ZNF37A: variants seen among roughly 807,000 people sequenced by gnomAD.
The protein encoded by ZNF37A is zinc finger protein 37A.
ZNF37A carries 10 observed loss-of-function variants against 12.3 expected under a neutral mutation model. That is an observed-to-expected ratio of 0.82 (90% CI 0.50 to 1.38). The LOEUF is 1.38. ZNF37A is among the 40% of genes most tolerant of loss of function. ZNF37A has a pLI of 0.00. For synonymous variants in ZNF37A, 207 were observed against 223.0 expected (o/e 0.93, Z 0.64); for missense variants, 580 against 651.2 (o/e 0.89, Z 1.19).
At chr10:38,145,495 G>A (rs1277680975) in intron 7 of ZNF37A, among the ~76,000 whole-genome samples, 2 of 151,966 alleles carry the variant, frequency 1.3e-5, no homozygotes, top group African/African-American at 4.8e-5. Context: ...TCTAACAATG[G>A]ACCTGTTATT....
chr10:38,113,140 G>A (rs189834299), intron 5 of ZNF37A, among the ~76,000 whole-genome samples: 1 of 140,888 alleles, frequency 7.1e-6, no homozygotes, highest in Non-Finnish European at 1.6e-5. Context: ...GAGAGTATTT[G>A]TTTTGTTTTC....
intron 7 of ZNF37A, chr10:38,142,139 G>A (rs148541538): frequency 6.6e-6 from 1 of 152,176 alleles, no homozygotes. Flanking sequence ...CAGGGAAGCA[G>A]GGCTCTCTTT....
intron 5 of ZNF37A, among the ~76,000 whole-genome samples, chr10:38,109,664 G>A (rs950370640): frequency 2.0e-5 from 3 of 152,100 alleles, no homozygotes; most frequent in Admixed American, 6.6e-5. Flanking sequence ...CAAAATCAAC[G>A]TGCAAAAATG....
exon 8 of ZNF37A, chr10:38,147,507 A>C (rs2136088609): frequency 6.6e-6 from 1 of 152,340 alleles, no homozygotes; most frequent in South Asian, 2.1e-4. Context: ...AAATAATAAG[A>C]TTTATTCAGA....
chr10:38,117,981 G>A lies in ZNF37A; in HGVS notation c.830G>A (p.Gly277Glu). 1 of 1,613,960 alleles carries A rather than the reference G, an allele frequency of 6.2e-7. No individual in the cohort carries two copies. The highest frequency in any genetic ancestry group is 8.5e-7 in the Non-Finnish European group (1 of 1,180,004). ...GEKPYECHEC[G>E]KTFTQKSAHT... ...AAACCTTATGAATGTCATGAATGTG[G>A]AAAAACCTTCACCCAGAAGTCAGCC... is the stretch of plus-strand genomic sequence containing the variant. Residue 277 changes from glycine to glutamate, a missense_variant, in exon 8 of 8, where the codon GGA becomes GAA. Transcript: ENST00000685332.
intron 5 of ZNF37A, among the ~76,000 whole-genome samples, chr10:38,105,865 T>A (rs1428854311): frequency 6.6e-6 from 1 of 152,248 alleles, no homozygotes; most frequent in Non-Finnish European, 1.5e-5. Flanking sequence ...TCTGCAACTA[T>A]GCCAAAACTA....
chr10:38,117,462 G>A lies in ZNF37A; in HGVS notation c.311G>A (p.Cys104Tyr). ...NEFNKGGKCF[C>Y]DEKHEIIHSE... ...TTTAACAAAGGTGGAAAATGTTTCT[G>A]TGATGAAAAGCATGAAATAATTCAT... The change falls in exon 8 of 8, where the codon TGT becomes TAT. Residue 104 changes from cysteine (C) to tyrosine (Y), a missense_variant. By Grantham distance (194) the Cys-to-Tyr change is radical. Coordinates refer to ENST00000685332, the MANE Select transcript of ZNF37A (RefSeq NM_001324250.3). 6.2e-7 allele frequency: 1 copy of A among 1,608,470 alleles called. No homozygotes were observed. The highest frequency in any genetic ancestry group is 8.5e-7 in the Non-Finnish European group (1 of 1,178,602).
intron 7 of ZNF37A, among the ~76,000 whole-genome samples, chr10:38,132,366 G>GT (rs1341510119): frequency 2.6e-5 from 4 of 151,946 alleles, no homozygotes; most frequent in Non-Finnish European, 4.4e-5. Context: ...TCATGTATAG[G>GT]TTTTTCCCCC....
chr10:38,096,780 C>T (rs907123018), intron 5 of ZNF37A, 148 bp downstream of exon 5: 14 of 696,604 alleles, frequency 2.0e-5, no homozygotes, highest in Middle Eastern at 4.1e-4. Context: ...TGCAGCCTGC[C>T]GCATGTTTTT....
chr10:38,112,932 C>T (rs564660293), intron 5 of ZNF37A, among the ~76,000 whole-genome samples: 8 of 151,926 alleles, frequency 5.3e-5, no homozygotes, highest in Admixed American at 2.0e-4. Flanking sequence ...CTCAGCCTCC[C>T]GAGTAGCTGG....
intron 4 of ZNF37A, among the ~76,000 whole-genome samples, chr10:38,096,209 C>T (rs954191322): frequency 1.3e-5 from 2 of 152,110 alleles, no homozygotes; most frequent in Non-Finnish European, 2.9e-5. Flanking sequence ...TGAAAAATAC[C>T]ACATCGCTTT....
chr10:38,138,759 T>C (rs1164108128), intron 7 of ZNF37A: 1 of 152,100 alleles, frequency 6.6e-6, no homozygotes, highest in African/African-American at 2.4e-5. Flanking sequence ...GAATGGAAAA[T>C]GATGAGCCCT....
At chr10:38,133,117 T>C (rs563230151) in intron 7 of ZNF37A, among the ~76,000 whole-genome samples, 13 of 152,270 alleles carry the variant, frequency 8.5e-5, no homozygotes, top group Non-Finnish European at 1.3e-4. Flanking sequence ...TGTAATATAT[T>C]TTACTATCCT....
In ZNF37A at chr10:38,119,017, A is replaced by C; in HGVS notation, c.*180A>C. ...CATTATTCTGGAATTTGGACCATACACTATGTTACAAAACTAAAAGTGGAA... is the reference window on the plus strand; with the variant it reads ...CATTATTCTGGAATTTGGACCATACCCTATGTTACAAAACTAAAAGTGGAA... On this transcript the variant is annotated 3_prime_UTR_variant, in exon 8 of 8. Coordinates refer to ENST00000685332, the MANE Select transcript of ZNF37A (RefSeq NM_001324250.3). 1 of 1,294,330 alleles carries C rather than the reference A, an allele frequency of 7.7e-7. No individual in the cohort carries two copies. Among genetic ancestry groups the C allele is most frequent in the Non-Finnish European group, 9.8e-7 (1 of 1,023,504 alleles). The allele number at this position is 1,294,330 out of a possible 1,614,324, so 80.2% of individuals were successfully genotyped here. A position where few individuals can be genotyped will look rare whatever the true frequency, so the allele number is the denominator to read the frequency against.
intron 4 of ZNF37A, 82 bp from the exon 5 acceptor site, chr10:38,096,492 C>A: frequency 4.5e-6 from 4 of 882,542 alleles, no homozygotes; most frequent in East Asian, 2.4e-5. Flanking sequence ...GTGAGTATCT[C>A]CCTTTCAGAG....
In ZNF37A at chr10:38,115,328, T is replaced by C. The variant is rs113622070; in HGVS notation, c.238+38T>C. On this transcript the variant is annotated intron_variant, in intron 7 of 7. Transcript: ENST00000685332. ...GTGCCAGATGGAATTTAAAGGAAGG[T>C]AGATCACAAAGGGTAAGTTTGGATA... The C allele has an allele frequency of 1.6e-5, 26 of 1,601,282 alleles. No individual in the cohort carries two copies. In the African/African-American group the frequency reaches 2.7e-4, roughly 16 times the overall value.
intron 7 of ZNF37A, chr10:38,143,514 A>G (rs1443214261): frequency 6.6e-6 from 1 of 152,148 alleles, no homozygotes; most frequent in Non-Finnish European, 1.5e-5. Context: ...ACCAGACCCA[A>G]TCCACCCTAA....
Position 38,095,173 on chromosome 10 carries a change from CG to C in ZNF37A, c.-248del. 6.6e-6 allele frequency: 1 copy of C among 152,344 alleles called. No homozygotes were observed. The highest frequency in any genetic ancestry group is 1.9e-4 in the East Asian group (1 of 5,172). The allele number at this position is 152,344 out of a possible 1,614,324, so 9.4% of individuals were successfully genotyped here. A position where few individuals can be genotyped will look rare whatever the true frequency, so the allele number is the denominator to read the frequency against. On this transcript the variant is annotated 5_prime_UTR_variant, in exon 2 of 8. An upstream open reading frame in the 5' UTR loses its in-frame stop. Coordinates refer to ENST00000685332, the MANE Select transcript of ZNF37A (RefSeq NM_001324250.3). Reference sequence around the variant, plus strand: ...GAGCTTTCTGTCTTGAATGAGGATTCGAACCAAAGGGCTTAGGCCCAGCTGT... The same window carrying C: ...GAGCTTTCTGTCTTGAATGAGGATTCAACCAAAGGGCTTAGGCCCAGCTGT...
chr10:38,106,721 A>G (rs1005405631), intron 5 of ZNF37A, among the ~76,000 whole-genome samples: 17 of 152,268 alleles, frequency 1.1e-4, no homozygotes, highest in Admixed American at 5.9e-4. Flanking sequence ...ATAAGTATCA[A>G]TAGCTGAATC....
Sources: gnomAD v4.1 joint callset for allele counts (sites outside exome capture counted in the v4.1 genomes callset) on GRCh38, gnomAD v4.1.1 for gene constraint, MANE v1.5 for transcripts, NCBI Gene and HGNC (gene_info 2026-07-23, HGNC 2026-07-21) for gene names.